HERC3: variants seen among roughly 807,000 people sequenced by gnomAD.
HERC3 encodes the protein probable E3 ubiquitin-protein ligase HERC3.
A neutral mutation model predicts 129.9 loss-of-function variants in HERC3; 58 were observed. The ratio of observed to expected loss-of-function variants is 0.45; its 90% confidence interval spans 0.36 to 0.56. HERC3 has a LOEUF of 0.56. Among genes scored for constraint, HERC3 ranks in the 20% least tolerant of loss-of-function variants. The probability of loss-of-function intolerance (pLI) is 0.00; values close to 1 mark genes in which losing one functional copy is unlikely to be tolerated. For missense variants in HERC3, 835 were observed against 1,244.2 expected, an observed-to-expected ratio of 0.67 and a Z score of 4.95; for synonymous variants, 430 against 451.0, an observed-to-expected ratio of 0.95 and a Z score of 0.59.
rs1258063269 is a variant in HERC3 at position 88,707,447 on chromosome 4, G to A, written c.*487G>A. The A allele has an allele frequency of 6.5e-6, 1 of 153,872 alleles. No homozygotes were observed. The highest frequency in any genetic ancestry group is 1.9e-4 in the East Asian group (1 of 5,198). The allele number at this position is 153,872 out of a possible 1,614,324, so 9.5% of individuals were successfully genotyped here. On this transcript the variant is annotated 3_prime_UTR_variant, in exon 26 of 26. Coordinates refer to ENST00000402738, the MANE Select transcript of HERC3 (RefSeq NM_014606.3). ...CCTCTGTACACTTGGAAATGCCTCT[G>A]GCTTGTTGCAGCCCTCCTTTAACCC...
intron 25 of HERC3, among the ~76,000 whole-genome samples, chr4:88,705,822 G>A (rs1287329418): frequency 1.3e-5 from 2 of 152,178 alleles, no homozygotes; most frequent in African/African-American, 2.4e-5. Flanking sequence ...TATTAATGTA[G>A]GACTTAACAG....
the HERC3 span, among the ~76,000 whole-genome samples, chr4:88,582,791 G>C: frequency 1.3e-5 from 2 of 152,110 alleles, no homozygotes; most frequent in Non-Finnish European, 2.9e-5. Context: ...ACCTTCCCTA[G>C]AGCACAGAGA....
At chr4:88,527,700 G>T in the HERC3 span, 1 of 300,486 alleles carries the variant, frequency 3.3e-6, no homozygotes. Context: ...CCATTATCAC[G>T]GTGGTTGCCT....
At chr4:88,564,667 CTTTTCAAAA>C in the HERC3 span, among the ~76,000 whole-genome samples, 1 of 151,828 alleles carries the variant, frequency 6.6e-6, no homozygotes, top group Non-Finnish European at 1.5e-5. Context: ...TTGAGTTTAT[CTTTTCAAAA>C]AACCAAATTG....
At chr4:88,668,476 A>G (rs1158973095) in intron 14 of HERC3, 1 of 200,430 alleles carries the variant, frequency 5.0e-6, no homozygotes, top group Non-Finnish European at 1.0e-5. Flanking sequence ...CCAAAACAGG[A>G]GAGGAAGAAA....
intron 3 of HERC3, among the ~76,000 whole-genome samples, chr4:88,628,434 G>T (rs1726370691): frequency 6.6e-6 from 1 of 150,942 alleles, no homozygotes; most frequent in South Asian, 2.1e-4. Context: ...TTTACAGTGG[G>T]TTTTTTTTTA....
intron 23 of HERC3, chr4:88,697,767 G>GTTCT (rs754543221): frequency 1.3e-6 from 2 of 1,597,950 alleles, no homozygotes; most frequent in East Asian, 4.5e-5. Flanking sequence ...TAGAGGAGAA[G>GTTCT]CCGCAGAGGT....
chr4:88,580,191 G>T, the HERC3 span, among the ~76,000 whole-genome samples: 1 of 152,166 alleles, frequency 6.6e-6, no homozygotes, highest in African/African-American at 2.4e-5. Context: ...GAAGGATCCA[G>T]GTAATTTCAA....
At chr4:88,661,925 A>G (rs1730529684) in intron 10 of HERC3, among the ~76,000 whole-genome samples, 2 of 152,188 alleles carry the variant, frequency 1.3e-5, no homozygotes, top group Admixed American at 6.5e-5. Context: ...TGTTACAGTG[A>G]TTCAAAGCAA....
intron 3 of HERC3, among the ~76,000 whole-genome samples, chr4:88,638,176 G>A (rs540916545): frequency 6.6e-6 from 1 of 152,300 alleles, no homozygotes; most frequent in East Asian, 1.9e-4. Context: ...AGAGGAGCTG[G>A]TATCATTCCT....
At chr4:88,619,642 G>A (rs900005332) in intron 3 of HERC3, among the ~76,000 whole-genome samples, 15 of 152,176 alleles carry the variant, frequency 9.9e-5, no homozygotes, top group African/African-American at 2.4e-4. Flanking sequence ...TTCCTGTGGC[G>A]TAAGGCATCC....
the HERC3 span, among the ~76,000 whole-genome samples, chr4:88,548,056 G>A: frequency 2.0e-5 from 3 of 151,984 alleles, no homozygotes; most frequent in East Asian, 1.9e-4. Context: ...TGGATATACC[G>A]TTCCCATTGT....
chr4:88,653,116 A>G (rs1285687810), intron 6 of HERC3, 26 bp downstream of exon 6: 28 of 1,605,254 alleles, frequency 1.7e-5, no homozygotes, highest in East Asian at 2.2e-5. Flanking sequence ...ATATGTATGT[A>G]TTTAGTTTAA....
At chr4:88,704,998 C>G (rs1019243420) in intron 25 of HERC3, among the ~76,000 whole-genome samples, 1 of 151,746 alleles carries the variant, frequency 6.6e-6, no homozygotes, top group African/African-American at 2.4e-5. Flanking sequence ...GTAGCTAGGA[C>G]TACAGGCACC....
intron 3 of HERC3, among the ~76,000 whole-genome samples, chr4:88,616,724 T>A (rs1036778722): frequency 1.3e-5 from 2 of 152,210 alleles, no homozygotes; most frequent in Non-Finnish European, 2.9e-5. Flanking sequence ...GTCGCTATGC[T>A]TGCAGTTTCA....
the HERC3 span, among the ~76,000 whole-genome samples, chr4:88,532,523 G>A: frequency 4.6e-5 from 7 of 152,144 alleles, no homozygotes; most frequent in African/African-American, 1.7e-4. Flanking sequence ...ATTCACATAA[G>A]TGAGTGCAGA....
chr4:88,686,828 G>A, intron 22 of HERC3, 26 bp downstream of exon 22: 1 of 1,499,546 alleles, frequency 6.7e-7, no homozygotes, highest in Non-Finnish European at 9.3e-7. Flanking sequence ...GTTTACTTAG[G>A]ATTGTGGCTG....
intron 23 of HERC3, among the ~76,000 whole-genome samples, chr4:88,688,256 TG>T (rs1472081526): frequency 1.3e-5 from 2 of 152,068 alleles, no homozygotes. Context: ...ACTTGTGGAG[TG>T]GGTACTGGTG....
At chr4:88,699,651 CT>C (rs1735145437) in intron 23 of HERC3, among the ~76,000 whole-genome samples, 1 of 151,606 alleles carries the variant, frequency 6.6e-6, no homozygotes, top group African/African-American at 2.4e-5. Context: ...GAAAACAGGC[CT>C]TTTGACCCCT....
Sources: allele counts gnomAD v4.1 joint callset (sites outside exome capture counted in the v4.1 genomes callset), GRCh38; gene constraint gnomAD v4.1.1; transcripts MANE v1.5; gene names NCBI Gene and HGNC (gene_info 2026-07-23, HGNC 2026-07-21).